ST6GAL1: variants seen among roughly 807,000 people sequenced by gnomAD.
ST6GAL1 encodes beta-galactoside alpha-2,6-sialyltransferase 1.
Under a neutral mutation model 38.0 loss-of-function variants are expected in ST6GAL1, and 20 were observed. That is an observed-to-expected ratio of 0.53 (90% CI 0.37 to 0.77). ST6GAL1 has a LOEUF of 0.77. Ranked by LOEUF, ST6GAL1 falls within the 30% of genes least tolerant of loss-of-function variation. The pLI is 0.00. For synonymous variants in ST6GAL1, 196 were observed against 188.2 expected (o/e 1.04, Z -0.34); for missense variants, 432 against 496.4 (o/e 0.87, Z 1.23).
In ST6GAL1 at chr3:187,042,888, C is replaced by A. The variant is rs1269422200; in HGVS notation, c.185C>A (p.Ser62Tyr). 1 of 1,614,166 alleles carries A rather than the reference C, an allele frequency of 6.2e-7. No homozygotes were observed. Among genetic ancestry groups the A allele is most frequent in the Non-Finnish European group, 8.5e-7 (1 of 1,180,022 alleles). The part of the protein sequence containing the change: ...GKLAMGSDSQ[S>Y]VSSSSTQDPH... ...TTGGCCATGGGGTCTGATTCCCAGT[C>A]TGTATCCTCAAGCAGCACCCAGGAC... is the stretch of plus-strand genomic sequence containing the variant. Residue 62 changes from serine (S) to tyrosine (Y), a missense_variant, in exon 4 of 8, where the codon TCT becomes TAT. Ser to Tyr is a moderately radical substitution (Grantham distance 144, BLOSUM62 -2). Transcript: ENST00000169298.
chr3:187,045,048 C>T (rs1299253747), intron 4 of ST6GAL1, among the ~76,000 whole-genome samples: 1 of 152,072 alleles, frequency 6.6e-6, no homozygotes, highest in African/African-American at 2.4e-5. Flanking sequence ...AGGGAAAGGC[C>T]CTTTGTTGAA....
chr3:186,938,451 T>C (rs1714040635), intron 1 of ST6GAL1, among the ~76,000 whole-genome samples: 1 of 152,198 alleles, frequency 6.6e-6, no homozygotes, highest in Non-Finnish European at 1.5e-5. Context: ...GGTGAAAGGC[T>C]CAGTACAGTG....
chr3:187,047,249 C>T (rs1309833143), intron 4 of ST6GAL1, among the ~76,000 whole-genome samples: 1 of 137,688 alleles, frequency 7.3e-6, no homozygotes, highest in Non-Finnish European at 1.5e-5. Context: ...CCGGCCAAGT[C>T]ATAGTTTTTT....
chr3:187,019,378 G>C (rs1315712750), intron 2 of ST6GAL1, among the ~76,000 whole-genome samples: 4 of 152,194 alleles, frequency 2.6e-5, no homozygotes, highest in Admixed American at 2.0e-4. Context: ...CTAGCTGCTA[G>C]AGCAAATAAA....
chr3:187,042,649 T>C lies in ST6GAL1; in HGVS notation c.-50-5T>C. 4 of 1,534,904 alleles carry C rather than the reference T, an allele frequency of 2.6e-6. No homozygotes were observed. Among genetic ancestry groups the C allele is most frequent in the South Asian group, 1.3e-5 (1 of 75,940 alleles). The stretch of plus-strand genomic sequence containing the variant: ...ATTTGTTTTTCCTTGTCTCACTTTT[T>C]TTAGGCTTGTTTTCCTGCTCAGAAC... On this transcript the variant is annotated splice_polypyrimidine_tract_variant and splice_region_variant and intron_variant, in intron 3 of 7. Coordinates refer to ENST00000169298, the MANE Select transcript of ST6GAL1 (RefSeq NM_173216.2).
chr3:187,047,534 T>C (rs555669014), intron 4 of ST6GAL1, among the ~76,000 whole-genome samples: 1 of 152,304 alleles, frequency 6.6e-6, no homozygotes, highest in South Asian at 2.1e-4. Flanking sequence ...AATACAGTGA[T>C]GCATTTATTT....
chr3:186,992,846 G>A (rs1458013118), intron 2 of ST6GAL1, among the ~76,000 whole-genome samples: 7 of 152,104 alleles, frequency 4.6e-5, no homozygotes, highest in African/African-American at 2.4e-5. Context: ...GAACAGAAAA[G>A]CAAATTAGAC....
At chr3:187,026,671 G>C (rs1193129282) in intron 2 of ST6GAL1, among the ~76,000 whole-genome samples, 3 of 152,146 alleles carry the variant, frequency 2.0e-5, no homozygotes, top group African/African-American at 7.2e-5. Context: ...TTTCTCCAAA[G>C]CCAAGGCTTC....
chr3:187,075,575 G>A lies in ST6GAL1; in HGVS notation c.993G>A (p.Met331Ile). Residue 331 changes from methionine (M) to isoleucine (I), a missense_variant, in exon 8 of 8, where the codon ATG becomes ATA. Physicochemically the swap from Met to Ile is conservative, Grantham distance 10 (BLOSUM62 1). Transcript: ENST00000169298. This position sits in a 1 kb window ranked among gnomAD's most constrained non-coding sequence, Gnocchi z 4.1. ...PSSGMLGIIIMMTLCDQVDIY... is the reference protein window; with the variant it reads ...PSSGMLGIIIIMTLCDQVDIY... The stretch of plus-strand genomic sequence containing the variant: ...TCCCCTCTCCAGGTATCATCATCAT[G>A]ATGACGCTGTGTGACCAGGTGGATA... 1 of 1,614,182 alleles carries A rather than the reference G, an allele frequency of 6.2e-7. No homozygotes were observed. Among genetic ancestry groups the A allele is most frequent in the Non-Finnish European group, 8.5e-7 (1 of 1,180,016 alleles).
At chr3:187,073,887 G>C in intron 6 of ST6GAL1, 1 of 316,696 alleles carries the variant, frequency 3.2e-6, no homozygotes, top group East Asian at 5.5e-5. Context: ...GAGTGTTCCC[G>C]GACTCTGATC....
At chr3:186,940,083 A>G (rs994367753) in intron 1 of ST6GAL1, among the ~76,000 whole-genome samples, 17 of 152,194 alleles carry the variant, frequency 1.1e-4, no homozygotes, top group Non-Finnish European at 1.0e-4. Context: ...TGGGACACCC[A>G]TTATTTCAAG....
chr3:187,053,540 A>G (rs553185299), intron 5 of ST6GAL1, among the ~76,000 whole-genome samples: 103 of 152,246 alleles, frequency 6.8e-4, no homozygotes, highest in African/African-American at 2.4e-3. Flanking sequence ...TCCCAGCACC[A>G]TTTATTAAAT....
At chr3:186,974,237 C>G (rs1285122031) in intron 2 of ST6GAL1, among the ~76,000 whole-genome samples, 3 of 152,188 alleles carry the variant, frequency 2.0e-5, no homozygotes, top group Non-Finnish European at 4.4e-5. Flanking sequence ...CCTCACCCCG[C>G]CTCCAACAGC....
In ST6GAL1 at chr3:187,007,259, T is replaced by C. The variant is rs78447493; in HGVS notation, c.-182-31483T>C. Reference sequence around the variant, plus strand: ...CTGGAAGCCAGAGAGTGTGAGGAAATCCCTGAGAGGAGAGAGGTGGAAAAA... The same window carrying C: ...CTGGAAGCCAGAGAGTGTGAGGAAACCCCTGAGAGGAGAGAGGTGGAAAAA... On this transcript the variant is annotated intron_variant, in intron 2 of 7. Coordinates refer to ENST00000169298, the MANE Select transcript of ST6GAL1 (RefSeq NM_173216.2). 1.1e-3 allele frequency among the ~76,000 whole-genome samples: 172 copies of C among 152,182 alleles called. 1 individual carries two copies. The highest frequency in any genetic ancestry group is 3.9e-3 in the African/African-American group (161 of 41,516).
chr3:187,044,454 G>T (rs1298235459), intron 4 of ST6GAL1, among the ~76,000 whole-genome samples: 3 of 152,186 alleles, frequency 2.0e-5, no homozygotes, highest in African/African-American at 7.2e-5. Flanking sequence ...GAAATGGTGA[G>T]ATCACAGTTT....
rs192056984 is a variant in ST6GAL1 at position 186,946,875 on chromosome 3, T to C, written c.-325+16041T>C. Among the ~76,000 whole-genome samples the C allele has an allele frequency of 3.3e-5, 5 of 152,288 alleles. No individual in the cohort carries two copies. In the East Asian group the frequency reaches 9.6e-4, roughly 29 times the overall value. On this transcript the variant is annotated intron_variant, in intron 1 of 7. Coordinates refer to ENST00000169298, the MANE Select transcript of ST6GAL1 (RefSeq NM_173216.2). Reference sequence around the variant, plus strand: ...CTGTGGGGGATTTGAGAGTCAGTTATGCAAACACCTCACTCTAGGCAGAAC... The same window carrying C: ...CTGTGGGGGATTTGAGAGTCAGTTACGCAAACACCTCACTCTAGGCAGAAC...
rs879622812 is a variant in ST6GAL1, at chr3:186,945,310, T to TAA, written c.-325+14493_-325+14494dup. Among the ~76,000 whole-genome samples, 1,196 of 134,288 alleles carry TAA rather than the reference T, an allele frequency of 8.9e-3. 19 individuals carry two copies. Among genetic ancestry groups the TAA allele is most frequent in the African/African-American group, 0.03 (1,126 of 36,986 alleles). 88.1% of individuals were successfully genotyped at this position (134,288 alleles called of 152,430 possible). The stretch of plus-strand genomic sequence containing the variant: ...GAAAGAGCAAGACCCTGTCTCTATT[T>TAA]AAAAAAAAAAAAAAAAAATTGTTTA... On this transcript the variant is annotated intron_variant, in intron 1 of 7. Coordinates refer to ENST00000169298, the MANE Select transcript of ST6GAL1 (RefSeq NM_173216.2).
rs79193076 is a variant in ST6GAL1, at chr3:186,975,264, T to G, written c.-183+11338T>G. ...ATACTAGACTGAGAGGCATTTGCACTTAATGGAGTAAACATGGAAGATGCA... is the reference window on the plus strand; with the variant it reads ...ATACTAGACTGAGAGGCATTTGCACGTAATGGAGTAAACATGGAAGATGCA... On this transcript the variant is annotated intron_variant, in intron 2 of 7. Transcript: ENST00000169298. Among the ~76,000 whole-genome samples the G allele has an allele frequency of 6.4e-3, 975 of 152,264 alleles. 15 individuals carry two copies. Among genetic ancestry groups the G allele is most frequent in the African/African-American group, 0.022 (915 of 41,540 alleles).
At chr3:186,977,248 T>G (rs1715550283) in intron 2 of ST6GAL1, among the ~76,000 whole-genome samples, 1 of 152,172 alleles carries the variant, frequency 6.6e-6, no homozygotes, top group Admixed American at 6.6e-5. Context: ...CCCCCACGGC[T>G]TCTCCCCCAT....
Sources: allele counts gnomAD v4.1 joint callset (sites outside exome capture counted in the v4.1 genomes callset), GRCh38; gene constraint gnomAD v4.1.1; non-coding constraint Gnocchi (gnomAD v3.1); transcripts MANE v1.5; gene names NCBI Gene and HGNC (gene_info 2026-07-23, HGNC 2026-07-21).